The following COL1A2 variants were observed in gnomAD, a reference collection of about 807,000 sequenced individuals.
COL1A2 encodes collagen type I alpha 2 chain, also known as collagen alpha-2(I) chain.
In COL1A2, 49 loss-of-function variants were observed where a neutral mutation model predicts 174.3. That is an observed-to-expected ratio of 0.28 (90% CI 0.22 to 0.36). The LOEUF (loss-of-function observed/expected upper bound fraction) is 0.36. Among genes scored for constraint, COL1A2 ranks in the 10% least tolerant of loss-of-function variants. The pLI is 1.00. For synonymous variants in COL1A2, 655 were observed against 606.6 expected (o/e 1.08, Z -1.17); for missense variants, 1,438 against 1,822.7 (o/e 0.79, Z 3.84).
intron 27 of COL1A2, 30 bp from the exon 28 acceptor site, chr7:94,413,863 CT>C: frequency 6.2e-7 from 1 of 1,613,268 alleles, no homozygotes; most frequent in South Asian, 1.1e-5. Context: ...ACATACGTTG[CT>C]ATTTATGCTC....
intron 3 of COL1A2, among the ~76,000 whole-genome samples, chr7:94,398,658 T>C (rs1337889140): frequency 6.6e-6 from 1 of 152,026 alleles, no homozygotes; most frequent in Non-Finnish European, 1.5e-5. Flanking sequence ...CTTGTTTTTA[T>C]TCTGGAGATG....
intron 2 of COL1A2, 26 bp downstream of exon 2, chr7:94,397,784 T>TAAA (rs1562896937): frequency 7.9e-7 from 1 of 1,267,644 alleles, no homozygotes; most frequent in Non-Finnish European, 1.1e-6. Context: ...TTTAGAATTT[T>TAAA]TAAAAATACT....
At chr7:94,404,474 G>A (rs1584315857) in intron 6 of COL1A2, 82 bp from the exon 7 acceptor site, 7 of 1,431,588 alleles carry the variant, frequency 4.9e-6, no homozygotes, top group South Asian at 3.4e-5. Flanking sequence ...CAATGGCACT[G>A]CTAAGTTGGT....
chr7:94,413,182 A>G lies in COL1A2; in HGVS notation c.1557+46A>G, dbSNP rs368278648. 3.2e-6 allele frequency: 5 copies of G among 1,574,722 alleles called. No homozygotes were observed. In the African/African-American group the frequency reaches 5.4e-5, roughly 17 times the overall value. ...AGATCTATTCACATAGCATTCATCT[A>G]AGAACCACACTTTTTTTTTTACACC... On this transcript the variant is annotated intron_variant, in intron 26 of 51. Transcript: ENST00000297268.
At chr7:94,426,665 TCTCA>T in intron 46 of COL1A2, 135 bp downstream of exon 46, 1 of 779,442 alleles carries the variant, frequency 1.3e-6, no homozygotes, top group South Asian at 1.5e-5. Flanking sequence ...GCTAACTCCA[TCTCA>T]CTCTTGGAGG....
At chr7:94,421,406 G>C (rs978228435) in intron 38 of COL1A2, 6 of 407,382 alleles carry the variant, frequency 1.5e-5, no homozygotes, top group Non-Finnish European at 2.7e-5. Context: ...CAATTCTCTA[G>C]AGACCCAGAG....
chr7:94,430,675 A>G lies in COL1A2; in HGVS notation c.*282A>G. ...CCTTTGTAAGAAAACCAAAATAAAAATTGAAAAATAAAAACCATAAACATT... is the reference window on the plus strand; with the variant it reads ...CCTTTGTAAGAAAACCAAAATAAAAGTTGAAAAATAAAAACCATAAACATT... On this transcript the variant is annotated 3_prime_UTR_variant, in exon 52 of 52. Coordinates refer to ENST00000297268, the MANE Select transcript of COL1A2 (RefSeq NM_000089.4). 5.0e-6 allele frequency: 2 copies of G among 396,758 alleles called. No homozygotes were observed. The highest frequency in any genetic ancestry group is 6.4e-5 in the South Asian group (2 of 31,260). The allele number at this position is 396,758 out of a possible 1,614,324, so 24.6% of individuals were successfully genotyped here.
Position 94,430,727 on chromosome 7 carries a change from T to A in COL1A2, c.*334T>A. ...GCACCACTTGTGGCTTTTGAATATC[T>A]TCCACAGAGGGAAGTTTAAAACCCA... On this transcript the variant is annotated 3_prime_UTR_variant, in exon 52 of 52. Transcript: ENST00000297268. 3.4e-6 allele frequency: 1 copy of A among 294,596 alleles called. No homozygotes were observed. Among genetic ancestry groups the A allele is most frequent in the Non-Finnish European group, 6.4e-6 (1 of 155,644 alleles). The allele number at this position is 294,596 out of a possible 1,614,324, so 18.2% of individuals were successfully genotyped here.
intron 41 of COL1A2, 166 bp from the exon 42 acceptor site, chr7:94,424,951 G>A (rs2115948617): frequency 3.0e-6 from 2 of 669,990 alleles, no homozygotes; most frequent in South Asian, 3.4e-5. Context: ...TGGAGAAGGA[G>A]GGCAGAGATG....
At chr7:94,425,362 C>A in intron 42 of COL1A2, 138 bp downstream of exon 42, 1 of 898,586 alleles carries the variant, frequency 1.1e-6, no homozygotes, top group Non-Finnish European at 1.8e-6. Context: ...ACACCTAGTA[C>A]TGAAAATATG....
intron 24 of COL1A2, 35 bp from the exon 25 acceptor site, chr7:94,412,549 G>A (rs1256804431): frequency 1.3e-6 from 2 of 1,544,022 alleles, no homozygotes; most frequent in Admixed American, 1.7e-5. Context: ...AGAATATGTT[G>A]ACACTGAGTA....
chr7:94,429,124 A>G (rs1270573955), intron 50 of COL1A2, 64 bp from the exon 51 acceptor site: 9 of 887,474 alleles, frequency 1.0e-5, no homozygotes, highest in Middle Eastern at 2.8e-4. Flanking sequence ...TTTTTTTTTC[A>G]TGTTTGACTC....
At position 94,419,491 on chromosome 7, in the gene COL1A2, G is replaced by A; in HGVS notation, c.2026-7G>A. ...ATTAATAAGACATGTTTCCTTTTTG[G>A]TACTAGGGTGCTCCTGGTGCTGTAG... On this transcript the variant is annotated splice_region_variant and splice_polypyrimidine_tract_variant and intron_variant, in intron 33 of 51. Coordinates refer to ENST00000297268, the MANE Select transcript of COL1A2 (RefSeq NM_000089.4). 6.2e-7 allele frequency: 1 copy of A among 1,613,962 alleles called. No homozygotes were observed. Among genetic ancestry groups the A allele is most frequent in the Non-Finnish European group, 8.5e-7 (1 of 1,179,956 alleles).
chr7:94,427,545 C>G, intron 48 of COL1A2, 82 bp from the exon 49 acceptor site: 1 of 1,501,392 alleles, frequency 6.7e-7, no homozygotes, highest in East Asian at 2.3e-5. Flanking sequence ...CCGTGTGAAG[C>G]TCAACTGAAA....
In COL1A2 at chr7:94,426,431, A is replaced by G. The variant is rs1792278907; in HGVS notation, c.3006A>G (p.Gln1002=). 1 of 1,596,678 alleles carries G rather than the reference A, an allele frequency of 6.3e-7. No individual in the cohort carries two copies. The highest frequency in any genetic ancestry group is 8.5e-7 in the Non-Finnish European group (1 of 1,171,616). Residue 1002 remains glutamine (Q), a synonymous_variant, in exon 46 of 52, where the codon CAA becomes CAG. Transcript: ENST00000297268. ...CTTCTGTTTCTTTATAGGGCCCACA[A>G]GGCATTCGTGGCGATAAGGGAGAGC... is the stretch of plus-strand genomic sequence containing the variant. The part of the protein sequence containing the change: ...AVGPRGPSGP[Q]GIRGDKGEPG...
rs990820445 is a variant in COL1A2, at chr7:94,417,886, A to G, written c.1971+55A>G. ...GATGAACTCTAGTAAAGAAGGCTGCACAAGGATGCCCAAGTTTTCACAATT... is the reference window on the plus strand; with the variant it reads ...GATGAACTCTAGTAAAGAAGGCTGCGCAAGGATGCCCAAGTTTTCACAATT... On this transcript the variant is annotated intron_variant, in intron 32 of 51. Coordinates refer to ENST00000297268, the MANE Select transcript of COL1A2 (RefSeq NM_000089.4). 2.8e-6 allele frequency: 4 copies of G among 1,425,772 alleles called. No individual in the cohort carries two copies. The South Asian group carries it at 3.7e-5, about 13-fold the overall frequency. 88.3% of individuals were successfully genotyped at this position (1,425,772 alleles called of 1,614,324 possible).
intron 1 of COL1A2, 25 bp from the exon 2 acceptor site, chr7:94,397,723 T>G (rs375415890): frequency 2.6e-5 from 32 of 1,231,484 alleles, no homozygotes; most frequent in Non-Finnish European, 3.7e-5. Context: ...AATTGTTTCC[T>G]ACTTTTTCTT....
intron 2 of COL1A2, 97 bp from the exon 3 acceptor site, chr7:94,398,285 G>T (rs1357916196): frequency 2.3e-5 from 9 of 393,616 alleles, no homozygotes; most frequent in South Asian, 4.1e-5. Flanking sequence ...GTAATGAATT[G>T]TGAAGGTATA....
intron 30 of COL1A2, among the ~76,000 whole-genome samples, chr7:94,415,680 TTTC>T (rs1792025954): frequency 6.6e-6 from 1 of 152,100 alleles, no homozygotes; most frequent in South Asian, 2.1e-4. Flanking sequence ...AAAAACTTAG[TTTC>T]TCTATGGGTA....
Sources: gnomAD v4.1 joint callset for allele counts (sites outside exome capture counted in the v4.1 genomes callset) on GRCh38, gnomAD v4.1.1 for gene constraint, MANE v1.5 for transcripts, NCBI Gene and HGNC (gene_info 2026-07-23, HGNC 2026-07-21) for gene names.